Variants in GRIP1 observed in about 807,000 individuals in gnomAD.
GRIP1 encodes the protein glutamate receptor interacting protein 1, also known as glutamate receptor-interacting protein 1.
A neutral mutation model predicts 129.9 loss-of-function variants in GRIP1; 45 were observed. That is an observed-to-expected ratio of 0.35 (90% confidence interval 0.27 to 0.44). The LOEUF is 0.44. Ranked by LOEUF, GRIP1 falls within the 20% of genes least tolerant of loss-of-function variation. The pLI is 1.00. For synonymous variants in GRIP1, 530 were observed against 520.8 expected (o/e 1.02, Z -0.24); for missense variants, 1,196 against 1,396.8 (o/e 0.86, Z 2.29).
At chr12:66,602,552 T>C (rs542146815) in intron 1 of GRIP1, among the ~76,000 whole-genome samples, 33 of 152,296 alleles carry the variant, frequency 2.2e-4, no homozygotes, top group Admixed American at 5.9e-4. Context: ...ATGTGGAGGC[T>C]GCAACATTTC....
intron 1 of GRIP1, among the ~76,000 whole-genome samples, chr12:66,697,138 G>C (rs758546747): frequency 5.9e-5 from 9 of 152,170 alleles, no homozygotes; most frequent in Non-Finnish European, 1.3e-4. Context: ...TTAATGGATA[G>C]AGGAATGGAA....
At chr12:66,916,221 C>T (rs1322236904) in intron 1 of GRIP1, among the ~76,000 whole-genome samples, 1 of 152,184 alleles carries the variant, frequency 6.6e-6, no homozygotes, top group African/African-American at 2.4e-5. Flanking sequence ...GACAAAAAGT[C>T]CCACATGCTA....
chr12:66,515,403 C>G (rs1592463705), intron 7 of GRIP1, among the ~76,000 whole-genome samples: 2 of 152,232 alleles, frequency 1.3e-5, no homozygotes, highest in Admixed American at 6.5e-5. Flanking sequence ...GAATGAGACT[C>G]TATTATGGAA....
upstream of GRIP1, among the ~76,000 whole-genome samples, chr12:66,805,543 T>C (rs2038972720): frequency 2.0e-5 from 3 of 152,180 alleles, no homozygotes; most frequent in African/African-American, 4.8e-5. Context: ...TTCCCAGAAA[T>C]ATAATTTTTA....
intron 1 of GRIP1, among the ~76,000 whole-genome samples, chr12:66,887,063 A>C (rs1193930452): frequency 6.6e-6 from 1 of 152,240 alleles, no homozygotes; most frequent in Non-Finnish European, 1.5e-5. Context: ...GGGAATCGAG[A>C]AAGTAAAGCA....
intron 1 of GRIP1, among the ~76,000 whole-genome samples, chr12:66,977,209 T>C (rs1262205001): frequency 2.0e-5 from 3 of 151,970 alleles, no homozygotes; most frequent in Non-Finnish European, 1.5e-5. Flanking sequence ...ACTTTTTTTT[T>C]TTTTGTCAAA....
intron 1 of GRIP1, among the ~76,000 whole-genome samples, chr12:66,731,005 G>T (rs1018668413): frequency 1.3e-5 from 2 of 152,056 alleles, no homozygotes; most frequent in Non-Finnish European, 2.9e-5. Flanking sequence ...TTTTATCATT[G>T]TTGGTTAAAT....
intron 1 of GRIP1, among the ~76,000 whole-genome samples, chr12:66,735,124 G>T (rs540208841): frequency 1.3e-5 from 2 of 152,104 alleles, no homozygotes; most frequent in African/African-American, 4.8e-5. Context: ...TCACAGCAGT[G>T]ATGGGAAGCA....
intron 19 of GRIP1, among the ~76,000 whole-genome samples, chr12:66,391,007 A>G (rs1034010877): frequency 5.9e-5 from 9 of 152,250 alleles, no homozygotes; most frequent in Middle Eastern, 3.4e-3. Context: ...TTGAAATATC[A>G]TCTCCTTTCA....
At chr12:66,449,886 A>G (rs1174266544) in intron 11 of GRIP1, among the ~76,000 whole-genome samples, 1 of 152,100 alleles carries the variant, frequency 6.6e-6, no homozygotes, top group Non-Finnish European at 1.5e-5. Flanking sequence ...ACTCTTTTAT[A>G]GGTTCATATT....
intron 1 of GRIP1, among the ~76,000 whole-genome samples, chr12:66,697,639 G>A (rs1324775400): frequency 6.6e-6 from 1 of 152,148 alleles, no homozygotes; most frequent in Non-Finnish European, 1.5e-5. Context: ...TGAGAAGCGT[G>A]CTAACTGGCT....
chr12:66,691,975 A>T (rs1226237809), intron 1 of GRIP1, among the ~76,000 whole-genome samples: 1 of 152,230 alleles, frequency 6.6e-6, no homozygotes, highest in East Asian at 1.9e-4. Flanking sequence ...TTTTTTAAAA[A>T]ATAAAAGGTA....
intron 1 of GRIP1, among the ~76,000 whole-genome samples, chr12:66,607,691 T>C (rs1225304402): frequency 1.3e-5 from 2 of 152,126 alleles, no homozygotes; most frequent in African/African-American, 4.8e-5. Flanking sequence ...AGAGCCAAGC[T>C]CCATGGCAGA....
At chr12:66,895,477 G>A (rs1413544125) in intron 1 of GRIP1, among the ~76,000 whole-genome samples, 1 of 152,128 alleles carries the variant, frequency 6.6e-6, no homozygotes, top group African/African-American at 2.4e-5. Flanking sequence ...CCAGCCTCAG[G>A]TATCTCTTGT....
intron 1 of GRIP1, among the ~76,000 whole-genome samples, chr12:66,710,262 C>A (rs569517919): frequency 6.6e-6 from 1 of 152,016 alleles, no homozygotes; most frequent in African/African-American, 2.4e-5. Context: ...ATAAAATAAA[C>A]AAAATGCACT....
chr12:66,507,695 C>A (rs969559244), intron 7 of GRIP1, among the ~76,000 whole-genome samples: 1 of 152,086 alleles, frequency 6.6e-6, no homozygotes, highest in Non-Finnish European at 1.5e-5. Context: ...AGATTAAAGG[C>A]GTATAAGTAA....
chr12:67,059,738 C>A (rs1294760139), intron 1 of GRIP1, among the ~76,000 whole-genome samples: 1 of 152,178 alleles, frequency 6.6e-6, no homozygotes, highest in Non-Finnish European at 1.5e-5. Flanking sequence ...CACATACACA[C>A]ACGCCCATCC....
intron 23 of GRIP1, among the ~76,000 whole-genome samples, chr12:66,355,023 G>C (rs985270794): frequency 2.6e-5 from 4 of 152,136 alleles, no homozygotes; most frequent in Non-Finnish European, 5.9e-5. Context: ...GACACCAAGT[G>C]CCTAATGGTT....
Position 67,038,930 on chromosome 12 carries a change from C to T in GRIP1, c.58+30120G>A, listed in dbSNP as rs192909675. Among the ~76,000 whole-genome samples the T allele has an allele frequency of 2.0e-3, 300 of 152,218 alleles. 2 individuals carry two copies. The highest frequency in any genetic ancestry group is 0.014 in the South Asian group (70 of 4,828). On this transcript the variant is annotated intron_variant, in intron 1 of 1. Coordinates refer to the GRIP1 transcript ENST00000643019. ...AATACTATACACATGCCCTAAAGTA[C>T]TAGGCAAGGCCTAAATACGTACCAC...
Sources: gnomAD v4.1 joint callset for allele counts (sites outside exome capture counted in the v4.1 genomes callset) on GRCh38, gnomAD v4.1.1 for gene constraint, MANE v1.5 for transcripts, NCBI Gene and HGNC (gene_info 2026-07-23, HGNC 2026-07-21) for gene names.